The following CAMK4 variants were observed in gnomAD, a reference collection of about 807,000 sequenced individuals.
CAMK4 encodes calcium/calmodulin dependent protein kinase IV, also known as calcium/calmodulin-dependent protein kinase type IV.
Under a neutral mutation model 44.9 loss-of-function variants are expected in CAMK4, and 22 were observed. The observed-to-expected ratio is 0.49, with a 90% confidence interval of 0.35 to 0.70. CAMK4 has a LOEUF of 0.70. CAMK4 is among the 30% of genes least tolerant of loss of function. The pLI, the probability that CAMK4 is intolerant of heterozygous loss-of-function variation, is 0.01. For missense variants in CAMK4, 498 were observed against 586.8 expected (o/e 0.85, Z 1.56); for synonymous variants, 218 against 215.4 (o/e 1.01, Z -0.11).
chr5:111,483,091 C>T (rs1427900153), intron 10 of CAMK4, among the ~76,000 whole-genome samples, 154 bp downstream of exon 10: 1 of 152,104 alleles, frequency 6.6e-6, no homozygotes, highest in African/African-American at 2.4e-5. Flanking sequence ...TCCAATAAGG[C>T]TGACACAAAG....
chr5:111,358,475 G>T (rs1257469045), intron 2 of CAMK4, among the ~76,000 whole-genome samples: 1 of 151,706 alleles, frequency 6.6e-6, no homozygotes, highest in Admixed American at 6.6e-5. Flanking sequence ...AAGAGTATCA[G>T]ATGGATAGTT....
At chr5:111,338,601 C>G (rs1749508609) in intron 1 of CAMK4, among the ~76,000 whole-genome samples, 1 of 151,290 alleles carries the variant, frequency 6.6e-6, no homozygotes, top group Non-Finnish European at 1.5e-5. Context: ...AGCTTGAGGT[C>G]TTACATCTAA....
intron 1 of CAMK4, among the ~76,000 whole-genome samples, chr5:111,302,036 T>C (rs1389400607): frequency 6.6e-6 from 1 of 152,242 alleles, no homozygotes; most frequent in Non-Finnish European, 1.5e-5. Context: ...GTAAATATTC[T>C]TAAATTATAA....
chr5:111,338,926 G>A (rs1359917645), intron 1 of CAMK4, among the ~76,000 whole-genome samples: 1 of 150,966 alleles, frequency 6.6e-6, no homozygotes, highest in African/African-American at 2.4e-5. Flanking sequence ...TTTTTGCTTT[G>A]GCTATTCAGG....
chr5:111,437,359 A>G (rs570634791), intron 5 of CAMK4, among the ~76,000 whole-genome samples: 4 of 152,362 alleles, frequency 2.6e-5, no homozygotes, highest in African/African-American at 9.6e-5. Flanking sequence ...AAGTAGAACA[A>G]TATGTGCATC....
chr5:111,366,515 A>G (rs573863954), intron 2 of CAMK4, among the ~76,000 whole-genome samples: 144 of 152,214 alleles, frequency 9.5e-4, no homozygotes, highest in African/African-American at 3.3e-3. Flanking sequence ...CTCCATTTGT[A>G]ATTACCACAA....
rs188570194 is a variant in CAMK4, at chr5:111,260,705, G to A, written c.161+36061G>A. ...CTCAATCTTTTATTAGGTTTTGTTCGTTCCTTATCTTCCAGTTTACTCCCT... is the reference window on the plus strand; with the variant it reads ...CTCAATCTTTTATTAGGTTTTGTTCATTCCTTATCTTCCAGTTTACTCCCT... On this transcript the variant is annotated intron_variant, in intron 1 of 10. Transcript: ENST00000282356. Among the ~76,000 whole-genome samples, 14 of 152,002 alleles carry A rather than the reference G, an allele frequency of 9.2e-5. No homozygotes were observed. In the East Asian group the frequency reaches 1.5e-3, roughly 17 times the overall value.
At chr5:111,453,658 A>T (rs1194847813) in intron 7 of CAMK4, among the ~76,000 whole-genome samples, 1 of 152,216 alleles carries the variant, frequency 6.6e-6, no homozygotes, top group Non-Finnish European at 1.5e-5. Context: ...AAAAAAGAAA[A>T]GTGTATTAAA....
At chr5:111,408,124 GA>G (rs1282686871) in intron 5 of CAMK4, among the ~76,000 whole-genome samples, 1 of 152,012 alleles carries the variant, frequency 6.6e-6, no homozygotes, top group East Asian at 1.9e-4. Flanking sequence ...GAAAGAGAGA[GA>G]GAGAGAGAGA....
At chr5:111,341,472 C>T (rs1323139750) in intron 1 of CAMK4, among the ~76,000 whole-genome samples, 1 of 150,568 alleles carries the variant, frequency 6.6e-6, no homozygotes, top group Admixed American at 6.7e-5. Flanking sequence ...TTTTTTGTCA[C>T]CGAATTGCCT....
chr5:111,451,541 G>T (rs989990947), intron 7 of CAMK4, among the ~76,000 whole-genome samples: 2 of 152,046 alleles, frequency 1.3e-5, no homozygotes, highest in African/African-American at 4.8e-5. Context: ...TCCAGCCTCG[G>T]CCTCCCAAAG....
At chr5:111,419,759 T>C (rs950502250) in intron 5 of CAMK4, among the ~76,000 whole-genome samples, 4 of 152,300 alleles carry the variant, frequency 2.6e-5, no homozygotes, top group African/African-American at 2.4e-5. Flanking sequence ...GTTGTAGATA[T>C]GCGGCATTAT....
At chr5:111,298,315 A>G (rs879352631) in intron 1 of CAMK4, among the ~76,000 whole-genome samples, 9 of 152,250 alleles carry the variant, frequency 5.9e-5, no homozygotes, top group Non-Finnish European at 8.8e-5. Flanking sequence ...TCATTGAAAT[A>G]TAATTAATGC....
chr5:111,263,166 G>T (rs1347988832), intron 1 of CAMK4, among the ~76,000 whole-genome samples: 1 of 152,188 alleles, frequency 6.6e-6, no homozygotes, highest in Non-Finnish European at 1.5e-5. Context: ...TATGTCAGGT[G>T]ATTTTCCTTT....
intron 8 of CAMK4, among the ~76,000 whole-genome samples, chr5:111,477,183 G>C (rs1365137693): frequency 6.6e-6 from 1 of 152,178 alleles, no homozygotes; most frequent in East Asian, 1.9e-4. Context: ...TGTGCAGACT[G>C]CTCAGTAGGG....
chr5:111,283,221 C>CA (rs1206890662), intron 1 of CAMK4, among the ~76,000 whole-genome samples: 1 of 152,090 alleles, frequency 6.6e-6, no homozygotes, highest in East Asian at 1.9e-4. Flanking sequence ...AGATAGAAAA[C>CA]AAAAACCATT....
At chr5:111,329,286 A>G (rs1749047691) in intron 1 of CAMK4, among the ~76,000 whole-genome samples, 1 of 151,948 alleles carries the variant, frequency 6.6e-6, no homozygotes, top group African/African-American at 2.4e-5. Context: ...GAATGGGCGA[A>G]AACTGTAAGC....
chr5:111,281,788 GTGGCTCACGCCTGTAATCCCAGCAC>G (rs1351508363), intron 1 of CAMK4, among the ~76,000 whole-genome samples: 1 of 152,190 alleles, frequency 6.6e-6, no homozygotes, highest in Non-Finnish European at 1.5e-5. Context: ...GCCGGGCGCG[GTGGCTCACGCCTGTAATCCCAGCAC>G]TTTGGGAGGC....
chr5:111,443,243 CATATATATATATATATAT>C (rs1232548245), intron 5 of CAMK4, among the ~76,000 whole-genome samples: 1 of 72,242 alleles, frequency 1.4e-5, no homozygotes, highest in Non-Finnish European at 2.7e-5. Context: ...CTCCCCCTAC[CATATATATATATATATAT>C]ATATATATAT....
Sources: gnomAD v4.1 joint callset for allele counts (sites outside exome capture counted in the v4.1 genomes callset) on GRCh38, gnomAD v4.1.1 for gene constraint, MANE v1.5 for transcripts, NCBI Gene and HGNC (gene_info 2026-07-23, HGNC 2026-07-21) for gene names.